The following PTPRT variants were observed in gnomAD, a reference collection of about 807,000 sequenced individuals.
The protein encoded by PTPRT is receptor-type tyrosine-protein phosphatase T.
PTPRT carries 56 observed loss-of-function variants against 176.8 expected under a neutral mutation model. That is an observed-to-expected ratio of 0.32 (90% confidence interval 0.26 to 0.40). PTPRT has a LOEUF of 0.40. Ranked by LOEUF, PTPRT falls within the 10% of genes least tolerant of loss-of-function variation. The probability of loss-of-function intolerance (pLI) is 1.00; values close to 1 mark genes in which losing one functional copy is unlikely to be tolerated. For missense variants in PTPRT, 1,540 were observed against 1,908.2 expected (o/e 0.81, Z 3.60); for synonymous variants, 783 against 739.0 (o/e 1.06, Z -0.96).
chr20:43,069,000 A>T (rs569926170), intron 1 of PTPRT, among the ~76,000 whole-genome samples: 2 of 152,200 alleles, frequency 1.3e-5, no homozygotes, highest in South Asian at 4.1e-4. Flanking sequence ...TGGATAAGTG[A>T]GGTCATGAAT....
At chr20:42,182,907 G>GGTGTGTGT (rs10608197) in intron 16 of PTPRT, among the ~76,000 whole-genome samples, 6,128 of 144,604 alleles carry the variant, frequency 0.042, 137 homozygotes, top group East Asian at 0.069. Context: ...TACAAGCAGG[G>GGTGTGTGT]GTGTGTGTGT....
Position 42,472,320 on chromosome 20 carries a change from T to G in PTPRT, c.1396A>C (p.Asn466His). 1 of 1,614,224 alleles carries G rather than the reference T, an allele frequency of 6.2e-7. No individual in the cohort carries two copies. The change falls in exon 8 of 31, where the codon AAC (asparagine) becomes CAC (histidine). Residue 466 changes from asparagine to histidine, a missense_variant. Coordinates refer to ENST00000373187, the MANE Select transcript of PTPRT (RefSeq NM_007050.6). Reference sequence around the variant, plus strand: ...TCGCTCTCCATTCGGCCCTCGGGGTTAGACAGCAAGAGTCGCAGCCGGATG... The same window carrying G: ...TCGCTCTCCATTCGGCCCTCGGGGTGAGACAGCAAGAGTCGCAGCCGGATG... ...MTIRLRLLLS[N>H]PEGRMESEEL...
chr20:42,264,214 T>C (rs1478393314), intron 13 of PTPRT, among the ~76,000 whole-genome samples: 1 of 152,144 alleles, frequency 6.6e-6, no homozygotes, highest in African/African-American at 2.4e-5. Context: ...GATTAGACAT[T>C]TGTTTTGAAG....
chr20:42,045,668 T>C, the PTPRT span, among the ~76,000 whole-genome samples: 5 of 151,902 alleles, frequency 3.3e-5, no homozygotes, highest in Non-Finnish European at 7.4e-5. Context: ...TTTTTTTTCT[T>C]TTAAACAGTA....
At chr20:42,099,746 G>A (rs772759652) in intron 26 of PTPRT, among the ~76,000 whole-genome samples, 40 of 152,168 alleles carry the variant, frequency 2.6e-4, no homozygotes, top group Middle Eastern at 3.2e-3. Context: ...ACAAGCAAGA[G>A]GGAAGAGGGC....
chr20:42,300,793 T>C (rs1372464666), intron 12 of PTPRT, among the ~76,000 whole-genome samples: 1 of 150,116 alleles, frequency 6.7e-6, no homozygotes, highest in Non-Finnish European at 1.5e-5. Context: ...ATTATTATTA[T>C]ACTTTAAGTT....
At chr20:43,121,419 C>T (rs147313089) in intron 1 of PTPRT, among the ~76,000 whole-genome samples, 18 of 152,282 alleles carry the variant, frequency 1.2e-4, no homozygotes, top group African/African-American at 4.1e-4. Context: ...ATTAGATCTG[C>T]CAAATTTATC....
chr20:42,318,254 A>G (rs2057749319), intron 11 of PTPRT, among the ~76,000 whole-genome samples: 1 of 152,170 alleles, frequency 6.6e-6, no homozygotes, highest in South Asian at 2.1e-4. Flanking sequence ...TACAATTCCT[A>G]TGTTTATCAG....
intron 20 of PTPRT, 72 bp downstream of exon 20, chr20:42,119,863 C>T (rs1371279866): frequency 1.2e-5 from 16 of 1,346,874 alleles, no homozygotes; most frequent in East Asian, 2.4e-5. Context: ...ACAAGCCTTG[C>T]AGTTAAGAGA....
At chr20:42,732,245 C>A (rs1434159100) in intron 6 of PTPRT, among the ~76,000 whole-genome samples, 10 of 152,132 alleles carry the variant, frequency 6.6e-5, no homozygotes, top group Admixed American at 6.5e-4. Context: ...GCTACTGAGC[C>A]AGAGATGCCA....
intron 7 of PTPRT, among the ~76,000 whole-genome samples, chr20:42,628,660 G>A (rs6093704): frequency 0.11 from 17,377 of 152,014 alleles, 3,302 homozygotes; most frequent in African/African-American, 0.39. Context: ...ACAATACCCT[G>A]GAAGTTAGCT....
intron 6 of PTPRT, among the ~76,000 whole-genome samples, chr20:42,749,929 G>T (rs536728927): frequency 3.3e-5 from 5 of 152,304 alleles, no homozygotes; most frequent in Non-Finnish European, 5.9e-5. Flanking sequence ...CCAAAACAGG[G>T]ACGCTGAGGA....
At chr20:42,706,178 T>TC (rs1342563097) in intron 6 of PTPRT, among the ~76,000 whole-genome samples, 1 of 66,856 alleles carries the variant, frequency 1.5e-5, no homozygotes, top group East Asian at 6.6e-4. Context: ...TCTCTCTCTG[T>TC]TTGTGTGTGT....
chr20:43,004,788 T>C (rs1984768153), intron 1 of PTPRT, among the ~76,000 whole-genome samples: 1 of 152,244 alleles, frequency 6.6e-6, no homozygotes, highest in Non-Finnish European at 1.5e-5. Flanking sequence ...TATTATTTGT[T>C]ATCATATCAA....
intron 1 of PTPRT, chr20:42,969,466 T>G: frequency 6.6e-6 from 1 of 152,164 alleles, no homozygotes; most frequent in Non-Finnish European, 1.5e-5. Context: ...TGCTCAACAA[T>G]GATGATTTGA....
intron 9 of PTPRT, among the ~76,000 whole-genome samples, chr20:42,394,047 T>G (rs1183667839): frequency 5.3e-5 from 8 of 151,624 alleles, no homozygotes; most frequent in Non-Finnish European, 1.2e-4. Flanking sequence ...CAGGTCTTTT[T>G]TTTTTTTTTT....
At chr20:42,489,870 T>C (rs114259777) in intron 7 of PTPRT, among the ~76,000 whole-genome samples, 1,575 of 152,332 alleles carry the variant, frequency 0.01, 36 homozygotes, top group African/African-American at 0.037. Flanking sequence ...TCTAACTTTG[T>C]AGCTTTATCA....
intron 12 of PTPRT, among the ~76,000 whole-genome samples, chr20:42,305,999 T>A (rs2057540673): frequency 6.6e-6 from 1 of 152,062 alleles, no homozygotes; most frequent in Non-Finnish European, 1.5e-5. Flanking sequence ...GGGACTGGAG[T>A]CTGGAGCATT....
chr20:42,605,775 G>A (rs1279603332), intron 7 of PTPRT, among the ~76,000 whole-genome samples: 1 of 152,168 alleles, frequency 6.6e-6, no homozygotes, highest in Non-Finnish European at 1.5e-5. Flanking sequence ...CAGGAGCCCA[G>A]AGCCTCCTAC....
Sources: gnomAD v4.1 joint callset for allele counts (sites outside exome capture counted in the v4.1 genomes callset) on GRCh38, gnomAD v4.1.1 for gene constraint, MANE v1.5 for transcripts, NCBI Gene and HGNC (gene_info 2026-07-23, HGNC 2026-07-21) for gene names.